Variants in CACNA2D3 observed in about 807,000 individuals in gnomAD.
CACNA2D3 encodes the protein voltage-dependent calcium channel subunit alpha-2/delta-3.
A neutral mutation model predicts 160.6 loss-of-function variants in CACNA2D3; 60 were observed. That is an observed-to-expected ratio of 0.37 (90% CI 0.30 to 0.46). CACNA2D3 has a LOEUF of 0.46. Ranked by LOEUF, CACNA2D3 falls within the 20% of genes least tolerant of loss-of-function variation. The pLI, the probability that CACNA2D3 is intolerant of heterozygous loss-of-function variation, is 1.00. For synonymous variants in CACNA2D3, 558 were observed against 492.9 expected (o/e 1.13, Z -1.75); for missense variants, 1,205 against 1,365.0 (o/e 0.88, Z 1.85).
chr3:54,761,200 C>T (rs535444938), intron 12 of CACNA2D3, among the ~76,000 whole-genome samples: 1 of 152,232 alleles, frequency 6.6e-6, no homozygotes, highest in African/African-American at 2.4e-5. Context: ...GATGTGAATA[C>T]AGGCAACCAA....
chr3:54,765,272 G>A (rs1255583570), intron 13 of CACNA2D3, among the ~76,000 whole-genome samples: 2 of 152,138 alleles, frequency 1.3e-5, no homozygotes, highest in African/African-American at 4.8e-5. Flanking sequence ...GGGACACCAT[G>A]ACACAGGCCA....
At chr3:54,368,457 G>A (rs1698863207) in intron 3 of CACNA2D3, among the ~76,000 whole-genome samples, 1 of 152,148 alleles carries the variant, frequency 6.6e-6, no homozygotes, top group African/African-American at 2.4e-5. Flanking sequence ...GAAAGAAAGA[G>A]AAGGGGAGAG....
chr3:54,941,194 T>G (rs1420916098), intron 27 of CACNA2D3, among the ~76,000 whole-genome samples: 1 of 152,208 alleles, frequency 6.6e-6, no homozygotes, highest in African/African-American at 2.4e-5. Context: ...ATCAAACTTG[T>G]TCAAGTTGTT....
chr3:54,773,860 C>G (rs772466327), intron 13 of CACNA2D3, among the ~76,000 whole-genome samples: 1 of 152,108 alleles, frequency 6.6e-6, no homozygotes, highest in Non-Finnish European at 1.5e-5. Flanking sequence ...TGTCCTAAAA[C>G]TCTATATGGG....
intron 13 of CACNA2D3, among the ~76,000 whole-genome samples, chr3:54,803,926 C>T (rs1016371961): frequency 6.6e-6 from 1 of 152,136 alleles, no homozygotes; most frequent in Non-Finnish European, 1.5e-5. Flanking sequence ...AAAGAATTTT[C>T]AACCCAGAAT....
intron 5 of CACNA2D3, among the ~76,000 whole-genome samples, chr3:54,557,070 C>T (rs1205495821): frequency 6.6e-6 from 1 of 152,038 alleles, no homozygotes; most frequent in Non-Finnish European, 1.5e-5. Context: ...TAACAATAGA[C>T]AGCTATTTAA....
In CACNA2D3 at chr3:54,247,833, G is replaced by T. The variant is rs542944931; in HGVS notation, c.205-72609G>T. ...GTGACCCACAATGCCCAACACCCAA[G>T]ACATACTCCAGTCTTGTCTCATATC... is the stretch of plus-strand genomic sequence containing the variant. On this transcript the variant is annotated intron_variant, in intron 2 of 37. Transcript: ENST00000474759. Among the ~76,000 whole-genome samples the T allele has an allele frequency of 1.3e-5, 2 of 151,256 alleles. 1 individual carries two copies. Among genetic ancestry groups the T allele is most frequent in the South Asian group, 4.2e-4 (2 of 4,812 alleles).
In CACNA2D3 at chr3:54,202,186, G is replaced by A. The variant is rs1002299305; in HGVS notation, c.204+78592G>A. On this transcript the variant is annotated intron_variant, in intron 2 of 37. Coordinates refer to ENST00000474759, the MANE Select transcript of CACNA2D3 (RefSeq NM_018398.3). ...ACGTGCAGAACGGGAAGGGAAGCGT[G>A]GGAGTTGAATAGTCATGTGACTGCA... Among the ~76,000 whole-genome samples, 79 of 152,348 alleles carry A rather than the reference G, an allele frequency of 5.2e-4. 1 individual carries two copies. The highest frequency in any genetic ancestry group is 1.8e-3 in the African/African-American group (76 of 41,576).
intron 8 of CACNA2D3, 91 bp downstream of exon 8, chr3:54,570,195 G>C: frequency 7.6e-7 from 1 of 1,314,530 alleles, no homozygotes; most frequent in East Asian, 2.3e-5. Context: ...GTTAGATCCA[G>C]AGCATCTAGA....
In CACNA2D3 at chr3:54,123,600, G is replaced by C. The variant is rs762362813; in HGVS notation, c.204+6G>C. 6.2e-7 allele frequency: 1 copy of C among 1,610,890 alleles called. No homozygotes were observed. The stretch of plus-strand genomic sequence containing the variant: ...GTTCCCAGCTTCTGCAAAAGGTAAG[G>C]TTTCTGTGGTGGCAGGAAGCGATGA... On this transcript the variant is annotated splice_donor_region_variant and intron_variant, in intron 2 of 37. Transcript: ENST00000474759.
intron 13 of CACNA2D3, among the ~76,000 whole-genome samples, chr3:54,791,653 C>T (rs1011926438): frequency 6.6e-6 from 1 of 151,762 alleles, no homozygotes; most frequent in South Asian, 2.1e-4. Context: ...AGTTTGGATT[C>T]TCTCTCTTTT....
Position 54,325,026 on chromosome 3 carries a change from G to T in CACNA2D3, c.321+4468G>T, listed in dbSNP as rs145392375. Among the ~76,000 whole-genome samples the T allele has an allele frequency of 4.6e-5, 7 of 152,152 alleles. No homozygotes were observed. In the South Asian group the frequency reaches 1.4e-3, roughly 32 times the overall value. ...TTGAGGGGAGGGAGAAGGCAGAAGGGTTATATTGCATGACCTTGGTTATAT... is the reference window on the plus strand; with the variant it reads ...TTGAGGGGAGGGAGAAGGCAGAAGGTTTATATTGCATGACCTTGGTTATAT... On this transcript the variant is annotated intron_variant, in intron 3 of 37. Coordinates refer to ENST00000474759, the MANE Select transcript of CACNA2D3 (RefSeq NM_018398.3).
chr3:54,678,762 G>GTTAA (rs924511166), intron 11 of CACNA2D3, among the ~76,000 whole-genome samples: 1 of 126,640 alleles, frequency 7.9e-6, no homozygotes, highest in South Asian at 2.8e-4. Flanking sequence ...TGATGATCAA[G>GTTAA]TTAATTAATT....
intron 2 of CACNA2D3, among the ~76,000 whole-genome samples, chr3:54,227,569 C>T (rs757941117): frequency 7.6e-5 from 7 of 92,080 alleles, no homozygotes; most frequent in Non-Finnish European, 1.1e-4. Flanking sequence ...GGGGAGGGGG[C>T]GGGGGGGCAG....
chr3:54,404,768 A>C (rs966908097), intron 4 of CACNA2D3, among the ~76,000 whole-genome samples: 2 of 152,134 alleles, frequency 1.3e-5, no homozygotes, highest in African/African-American at 4.8e-5. Flanking sequence ...GATCTCAATA[A>C]AGTTGCAGGA....
chr3:54,444,664 A>G (rs1234190570), intron 4 of CACNA2D3, among the ~76,000 whole-genome samples: 4 of 152,152 alleles, frequency 2.6e-5, no homozygotes, highest in Non-Finnish European at 5.9e-5. Flanking sequence ...CTAGAGGCAC[A>G]CTCAGAGCTG....
At chr3:54,388,978 T>C (rs1252586232) in intron 4 of CACNA2D3, among the ~76,000 whole-genome samples, 2 of 151,820 alleles carry the variant, frequency 1.3e-5, no homozygotes, top group East Asian at 3.9e-4. Flanking sequence ...ATGAGTCCGC[T>C]TGATAATAAA....
Position 54,122,715 on chromosome 3 carries a change from TGGCCG to T in CACNA2D3, c.11_15del (p.Pro4_?5). 2 of 1,188,414 alleles carry T rather than the reference TGGCCG, an allele frequency of 1.7e-6. No homozygotes were observed. Among genetic ancestry groups the T allele is most frequent in the South Asian group, 8.4e-5 (2 of 23,918 alleles). 73.6% of individuals were successfully genotyped at this position (1,188,414 alleles called of 1,614,324 possible). ...CGGGCGCGTCGGAGGGAGCCCAGCA[TGGCCG>T]GGCCGGGCTCGCCGCGCCGCGCGTC... is the stretch of plus-strand genomic sequence containing the variant. On this transcript the variant is annotated frameshift_variant and start_lost, in exon 1 of 38. Coordinates refer to ENST00000474759, the MANE Select transcript of CACNA2D3 (RefSeq NM_018398.3). LOFTEE classifies it high-confidence loss of function.
At chr3:54,927,964 T>A in intron 27 of CACNA2D3, 1 of 1,584,300 alleles carries the variant, frequency 6.3e-7, no homozygotes, top group East Asian at 2.2e-5. Flanking sequence ...TTAATTAATG[T>A]GCAGAGCAAC....
Sources: allele counts gnomAD v4.1 joint callset (sites outside exome capture counted in the v4.1 genomes callset), GRCh38; gene constraint gnomAD v4.1.1; transcripts MANE v1.5; gene names NCBI Gene and HGNC (gene_info 2026-07-23, HGNC 2026-07-21).